The following RELN variants were observed in gnomAD, a reference collection of about 807,000 sequenced individuals.
The protein encoded by RELN is reelin.
RELN carries 108 observed loss-of-function variants against 427.6 expected under a neutral mutation model. The observed-to-expected ratio is 0.25, with a 90% confidence interval of 0.22 to 0.30. The LOEUF (loss-of-function observed/expected upper bound fraction) is 0.30. RELN is among the 10% of genes least tolerant of loss of function. The probability of loss-of-function intolerance (pLI) is 1.00; values close to 1 mark genes in which losing one functional copy is unlikely to be tolerated. For missense variants in RELN, 3,715 were observed against 4,302.8 expected (o/e 0.86, Z 3.82); for synonymous variants, 1,524 against 1,513.4 (o/e 1.01, Z -0.16).
In RELN at chr7:103,567,789, T is replaced by TC. The variant is rs1491385147; in HGVS notation, c.4589-1031_4589-1030insG. Among the ~76,000 whole-genome samples the TC allele has an allele frequency of 5.6e-4, 84 of 148,902 alleles. 2 individuals are homozygous for TC. The highest frequency in any genetic ancestry group is 2.5e-4 in the Non-Finnish European group (17 of 67,368). On this transcript the variant is annotated intron_variant, in intron 31 of 64. Transcript: ENST00000428762. ...TTATTTTTACTTTATTATATATATA[T>TC]TTTATATATATATATATTTTAATTG...
intron 28 of RELN, among the ~76,000 whole-genome samples, chr7:103,577,289 C>G (rs1200525474): frequency 6.6e-6 from 1 of 152,112 alleles, no homozygotes; most frequent in Non-Finnish European, 1.5e-5. Context: ...AGCAATGAAC[C>G]ATAACCTTGG....
At chr7:103,982,757 G>A (rs533596582) in intron 1 of RELN, among the ~76,000 whole-genome samples, 1 of 152,154 alleles carries the variant, frequency 6.6e-6, no homozygotes, top group South Asian at 2.1e-4. Flanking sequence ...TTGGTTTGTG[G>A]GCACCAGTGG....
At chr7:103,520,967 T>TG (rs1829690991) in intron 48 of RELN, among the ~76,000 whole-genome samples, 1 of 98,232 alleles carries the variant, frequency 1.0e-5, no homozygotes, top group Non-Finnish European at 2.0e-5. Flanking sequence ...ATTTTTTTTT[T>TG]TTTTTTTTTT....
intron 29 of RELN, 90 bp downstream of exon 29, chr7:103,575,458 A>T: frequency 7.2e-7 from 1 of 1,381,858 alleles, no homozygotes; most frequent in African/African-American, 1.4e-5. Flanking sequence ...TAAATTCAGA[A>T]TTTATTTCTT....
intron 2 of RELN, among the ~76,000 whole-genome samples, chr7:103,912,005 TA>T (rs996263330): frequency 1.1e-4 from 17 of 151,150 alleles, no homozygotes; most frequent in East Asian, 3.9e-4. Flanking sequence ...AAAGTATAAT[TA>T]AAAAAAAAAT....
At chr7:103,911,132 A>G (rs1247249479) in intron 2 of RELN, among the ~76,000 whole-genome samples, 2 of 144,734 alleles carry the variant, frequency 1.4e-5, no homozygotes, top group Admixed American at 6.9e-5. Context: ...TCCAGAATCT[A>G]CAATGAACTC....
At chr7:103,500,446 G>C (rs1447724769) in intron 53 of RELN, among the ~76,000 whole-genome samples, 9 of 151,632 alleles carry the variant, frequency 5.9e-5, no homozygotes, top group Admixed American at 5.9e-4. Flanking sequence ...AAGTAAAAAA[G>C]GCTTAATATT....
intron 51 of RELN, among the ~76,000 whole-genome samples, chr7:103,503,633 ACT>A (rs960573215): frequency 9.2e-5 from 14 of 152,316 alleles, no homozygotes; most frequent in Admixed American, 8.5e-4. Flanking sequence ...ACAATTTATG[ACT>A]CTCAATACAA....
intron 1 of RELN, among the ~76,000 whole-genome samples, chr7:103,934,390 C>A (rs1289450130): frequency 6.6e-6 from 1 of 152,100 alleles, no homozygotes; most frequent in Non-Finnish European, 1.5e-5. Context: ...GCCAGGAGCC[C>A]ATTATTCTTA....
chr7:103,904,223 T>C (rs989963896), intron 2 of RELN, among the ~76,000 whole-genome samples: 1 of 152,160 alleles, frequency 6.6e-6, no homozygotes, highest in Non-Finnish European at 1.5e-5. Context: ...CCATAGTGTA[T>C]ATGTACCACA....
At position 103,647,065 on chromosome 7, in the gene RELN, A is replaced by G. The variant is rs538006135; in HGVS notation, c.2002+3209T>C. Among the ~76,000 whole-genome samples, 49 of 151,794 alleles carry G rather than the reference A, an allele frequency of 3.2e-4. No individual in the cohort carries two copies. The South Asian group carries it at 6.7e-3, about 21-fold the overall frequency. ...GTGTAGATAGAACATACCTCAAAAT[A>G]ATAAAGGCCGTATATGACAAACCCA... On this transcript the variant is annotated intron_variant, in intron 16 of 64. Transcript: ENST00000428762.
chr7:103,923,730 G>A (rs1043780647), intron 1 of RELN, among the ~76,000 whole-genome samples: 5 of 152,022 alleles, frequency 3.3e-5, no homozygotes, highest in African/African-American at 1.2e-4. Flanking sequence ...ATAGTCTCCT[G>A]TCCATCTCCA....
At chr7:103,875,440 T>C (rs1294598365) in intron 2 of RELN, among the ~76,000 whole-genome samples, 1 of 152,066 alleles carries the variant, frequency 6.6e-6, no homozygotes, top group Non-Finnish European at 1.5e-5. Context: ...AATGGGAGTA[T>C]ATGAATATAT....
Position 103,493,521 on chromosome 7 carries a change from T to C in RELN, c.9370-1495A>G, listed in dbSNP as rs1022004389. The stretch of plus-strand genomic sequence containing the variant: ...GAATTAATTGTTAGCCAGTCAAGGT[T>C]GGATGTGCAGATTTGAAATTTGCTC... On this transcript the variant is annotated intron_variant, in intron 57 of 64. Coordinates refer to ENST00000428762, the MANE Select transcript of RELN (RefSeq NM_005045.4). Among the ~76,000 whole-genome samples the C allele has an allele frequency of 5.3e-5, 8 of 152,288 alleles. No homozygotes were observed. The East Asian group carries it at 1.4e-3, about 26-fold the overall frequency.
chr7:103,850,352 G>A (rs967694344), intron 2 of RELN, among the ~76,000 whole-genome samples: 9 of 152,138 alleles, frequency 5.9e-5, no homozygotes, highest in African/African-American at 1.4e-4. Context: ...GTCTGTTTGC[G>A]GGAGAAGTTT....
At chr7:103,564,851 A>G (rs1465562556) in intron 34 of RELN, among the ~76,000 whole-genome samples, 1 of 152,182 alleles carries the variant, frequency 6.6e-6, no homozygotes, top group Non-Finnish European at 1.5e-5. Flanking sequence ...GGGGAGGGGA[A>G]GACAGATGCA....
At chr7:103,594,169 T>C (rs752605576) in intron 26 of RELN, 152 bp downstream of exon 26, 23 of 823,338 alleles carry the variant, frequency 2.8e-5, no homozygotes, top group Non-Finnish European at 3.9e-5. Context: ...TGTGAAGTGG[T>C]AGCATAGAGA....
At chr7:103,594,269 C>T in intron 26 of RELN, 52 bp downstream of exon 26, 1 of 1,511,944 alleles carries the variant, frequency 6.6e-7, no homozygotes, top group Non-Finnish European at 9.2e-7. Context: ...TTCTTTATGC[C>T]ATTCACTTTT....
chr7:103,482,792 C>G, intron 63 of RELN, 81 bp downstream of exon 63: 2 of 1,607,806 alleles, frequency 1.2e-6, no homozygotes, highest in Non-Finnish European at 1.7e-6. Flanking sequence ...ACGGATCTTA[C>G]TGAATTAAGG....
Sources: allele counts gnomAD v4.1 joint callset (sites outside exome capture counted in the v4.1 genomes callset), GRCh38; gene constraint gnomAD v4.1.1; transcripts MANE v1.5; gene names NCBI Gene and HGNC (gene_info 2026-07-23, HGNC 2026-07-21).